FHIT: variants seen among roughly 807,000 people sequenced by gnomAD.
The protein encoded by FHIT is bis(5'-adenosyl)-triphosphatase.
FHIT carries 19 observed loss-of-function variants against 17.9 expected under a neutral mutation model. The ratio of observed to expected loss-of-function variants is 1.06; its 90% CI spans 0.74 to 1.56. FHIT has a LOEUF of 1.56. Among genes scored for constraint, FHIT ranks in the 40% most tolerant of loss-of-function variants. The pLI is 0.00. For synonymous variants in FHIT, 81 were observed against 69.7 expected, an observed-to-expected ratio of 1.16 and a Z score of -0.81; for missense variants, 248 against 189.2, an observed-to-expected ratio of 1.31 and a Z score of -1.82.
chr3:60,506,162 C>A (rs1489790134), intron 5 of FHIT, among the ~76,000 whole-genome samples: 1 of 152,084 alleles, frequency 6.6e-6, no homozygotes, highest in African/African-American at 2.4e-5. Flanking sequence ...TGTTATTTTA[C>A]AGTTCTTTTT....
intron 5 of FHIT, among the ~76,000 whole-genome samples, chr3:60,214,855 T>A (rs1437191047): frequency 1.3e-5 from 2 of 152,194 alleles, no homozygotes; most frequent in Non-Finnish European, 2.9e-5. Flanking sequence ...AATGAAATTA[T>A]GTCCTTTGCA....
At chr3:60,187,164 G>C (rs1231072475) in intron 5 of FHIT, among the ~76,000 whole-genome samples, 1 of 152,120 alleles carries the variant, frequency 6.6e-6, no homozygotes, top group East Asian at 1.9e-4. Context: ...GTTTACCCAT[G>C]ATGGCCAGGG....
At chr3:59,861,317 C>T (rs1702394832) in intron 8 of FHIT, among the ~76,000 whole-genome samples, 2 of 152,132 alleles carry the variant, frequency 1.3e-5, no homozygotes, top group South Asian at 4.2e-4. Flanking sequence ...GAATAGGCAG[C>T]ACTGGCAATA....
intron 8 of FHIT, among the ~76,000 whole-genome samples, chr3:59,863,010 G>A (rs957035789): frequency 1.3e-5 from 2 of 152,206 alleles, no homozygotes; most frequent in African/African-American, 4.8e-5. Context: ...AAAGACAACA[G>A]CCAGAATGTA....
intron 4 of FHIT, among the ~76,000 whole-genome samples, chr3:60,794,408 G>T (rs570664835): frequency 6.7e-6 from 1 of 149,416 alleles, no homozygotes; most frequent in South Asian, 2.2e-4. Context: ...ATGGATGGAT[G>T]GATGGATGGA....
At chr3:60,233,471 A>G (rs926999014) in intron 5 of FHIT, among the ~76,000 whole-genome samples, 2 of 150,274 alleles carry the variant, frequency 1.3e-5, no homozygotes, top group African/African-American at 4.9e-5. Context: ...ACTCCAACAA[A>G]CTCCTCAGAG....
intron 1 of FHIT, among the ~76,000 whole-genome samples, chr3:61,234,891 TAAAG>T (rs1168521876): frequency 6.6e-6 from 1 of 152,326 alleles, no homozygotes; most frequent in East Asian, 1.9e-4. Context: ...CAGAAAATGA[TAAAG>T]AAATTTTATT....
chr3:60,199,120 G>C (rs1702780870), intron 5 of FHIT, among the ~76,000 whole-genome samples: 1 of 152,140 alleles, frequency 6.6e-6, no homozygotes, highest in Admixed American at 6.6e-5. Flanking sequence ...AGTGGATTTA[G>C]TAGCCAGCCA....
chr3:60,330,137 A>G lies in FHIT; in HGVS notation c.103+206723T>C, dbSNP rs113495531. ...TTTCCAGTCTCTAAGTCTTCTTGATAATTCACTCTGTGTTTTACAAACAAC... is the reference window on the plus strand; with the variant it reads ...TTTCCAGTCTCTAAGTCTTCTTGATGATTCACTCTGTGTTTTACAAACAAC... On this transcript the variant is annotated intron_variant, in intron 5 of 9. Transcript: ENST00000492590. 2.9e-3 allele frequency among the ~76,000 whole-genome samples: 447 copies of G among 152,296 alleles called. 2 individuals are homozygous for G. The highest frequency in any genetic ancestry group is 1.0e-2 in the African/African-American group (414 of 41,570).
intron 4 of FHIT, among the ~76,000 whole-genome samples, chr3:60,646,957 G>T (rs2039874613): frequency 6.6e-6 from 1 of 152,216 alleles, no homozygotes; most frequent in Non-Finnish European, 1.5e-5. Flanking sequence ...CAGTGCTCTA[G>T]TTTATTTTTA....
chr3:60,056,712 T>A (rs550260252), intron 5 of FHIT, among the ~76,000 whole-genome samples: 11 of 152,346 alleles, frequency 7.2e-5, no homozygotes, highest in African/African-American at 2.6e-4. Context: ...TTTGCTGGCT[T>A]GGCAGGAAAA....
At chr3:61,134,130 C>CACACACACACACACAA (rs1200290794) in intron 2 of FHIT, among the ~76,000 whole-genome samples, 1 of 151,410 alleles carries the variant, frequency 6.6e-6, no homozygotes, top group African/African-American at 2.4e-5. Flanking sequence ...CACACACACA[C>CACACACACACACACAA]AAAGAGGTCA....
intron 5 of FHIT, among the ~76,000 whole-genome samples, chr3:60,305,465 C>T (rs978762619): frequency 3.3e-5 from 5 of 152,058 alleles, no homozygotes; most frequent in African/African-American, 1.2e-4. Flanking sequence ...CTGTTTCATG[C>T]AGGGCCATGA....
intron 5 of FHIT, among the ~76,000 whole-genome samples, chr3:60,522,878 G>A (rs2734406): frequency 0.012 from 1,805 of 152,184 alleles, 18 homozygotes; most frequent in Middle Eastern, 0.031. Flanking sequence ...TTGGTTTTCA[G>A]GCTGCTAAAG....
At chr3:60,665,580 A>C (rs1396623968) in intron 4 of FHIT, among the ~76,000 whole-genome samples, 1 of 151,998 alleles carries the variant, frequency 6.6e-6, no homozygotes, top group Non-Finnish European at 1.5e-5. Context: ...ATCAGATACT[A>C]GTATAAGCAC....
At chr3:61,176,901 C>A (rs1412499715) in intron 2 of FHIT, among the ~76,000 whole-genome samples, 2 of 152,186 alleles carry the variant, frequency 1.3e-5, no homozygotes, top group African/African-American at 2.4e-5. Context: ...ACCGGCCGGG[C>A]GTGGTGGCTC....
At chr3:60,650,708 A>G (rs1403086775) in intron 4 of FHIT, among the ~76,000 whole-genome samples, 1 of 152,220 alleles carries the variant, frequency 6.6e-6, no homozygotes, top group Non-Finnish European at 1.5e-5. Context: ...AGAAAAGGGA[A>G]AAAGTTCAGG....
chr3:59,985,713 C>T (rs1345352366), intron 7 of FHIT, among the ~76,000 whole-genome samples: 1 of 152,132 alleles, frequency 6.6e-6, no homozygotes, highest in Non-Finnish European at 1.5e-5. Context: ...TCCTGTCTGT[C>T]TTAAAGCAGG....
At chr3:60,801,124 G>A (rs1701172180) in intron 4 of FHIT, among the ~76,000 whole-genome samples, 1 of 152,138 alleles carries the variant, frequency 6.6e-6, no homozygotes, top group Non-Finnish European at 1.5e-5. Context: ...AAACTTACAT[G>A]CTTCAGATGT....
Sources: allele counts gnomAD v4.1 joint callset (sites outside exome capture counted in the v4.1 genomes callset), GRCh38; gene constraint gnomAD v4.1.1; transcripts MANE v1.5; gene names NCBI Gene and HGNC (gene_info 2026-07-23, HGNC 2026-07-21).